ALPK2: variants seen among roughly 807,000 people sequenced by gnomAD.
ALPK2 encodes the protein alpha-protein kinase 2.
ALPK2 carries 127 observed loss-of-function variants against 163.1 expected under a neutral mutation model. The ratio of observed to expected loss-of-function variants is 0.78; its 90% CI spans 0.67 to 0.90. The LOEUF (loss-of-function observed/expected upper bound fraction) is 0.90. ALPK2 is among the 40% of genes least tolerant of loss of function. The pLI, the probability that ALPK2 is intolerant of heterozygous loss-of-function variation, is 0.00. For synonymous variants in ALPK2, 953 were observed against 959.1 expected, an observed-to-expected ratio of 0.99 and a Z score of 0.12; for missense variants, 2,360 against 2,589.6, an observed-to-expected ratio of 0.91 and a Z score of 1.92.
At chr18:58,603,332 T>C (rs1038152812) in intron 3 of ALPK2, among the ~76,000 whole-genome samples, 1 of 152,246 alleles carries the variant, frequency 6.6e-6, no homozygotes, top group Non-Finnish European at 1.5e-5. Flanking sequence ...GGGGACACTA[T>C]TCAACCCTGT....
chr18:58,576,639 A>G (rs2051923403), intron 4 of ALPK2, among the ~76,000 whole-genome samples: 1 of 152,202 alleles, frequency 6.6e-6, no homozygotes, highest in African/African-American at 2.4e-5. Flanking sequence ...AAATTTGGCT[A>G]CATTGTATAC....
intron 4 of ALPK2, among the ~76,000 whole-genome samples, chr18:58,561,461 C>CT (rs1395708364): frequency 6.6e-6 from 1 of 152,136 alleles, no homozygotes; most frequent in Non-Finnish European, 1.5e-5. Flanking sequence ...AGGAAATTGT[C>CT]TTAAAGATCC....
chr18:58,486,991 G>C lies in ALPK2; in HGVS notation c.6297-4952C>G, dbSNP rs147090186. Reference sequence around the variant, plus strand: ...GACATGTGCCACCCGCTGCCTTGAGGGTTGAATCTGGAGCTGTAGGCCATC... The same window carrying C: ...GACATGTGCCACCCGCTGCCTTGAGCGTTGAATCTGGAGCTGTAGGCCATC... On this transcript the variant is annotated intron_variant, in intron 12 of 12. Coordinates refer to ENST00000361673, the MANE Select transcript of ALPK2 (RefSeq NM_052947.4). 9.5e-3 allele frequency among the ~76,000 whole-genome samples: 1,452 copies of C among 152,314 alleles called. 8 individuals are homozygous for C. The highest frequency in any genetic ancestry group is 0.044 in the Middle Eastern group (13 of 294).
chr18:58,489,293 T>C (rs2051358994), intron 12 of ALPK2, among the ~76,000 whole-genome samples: 3 of 152,216 alleles, frequency 2.0e-5, no homozygotes, highest in Admixed American at 1.3e-4. Flanking sequence ...ATTTCTCCTG[T>C]GGCATGCTGG....
intron 1 of ALPK2, 31 bp from the exon 2 acceptor site, chr18:58,611,848 A>G (rs1281286942): frequency 1.5e-6 from 2 of 1,336,292 alleles, no homozygotes; most frequent in African/African-American, 1.5e-5. Flanking sequence ...CGACATCACC[A>G]TTTGTTCTGG....
At chr18:58,565,982 C>G (rs1311099322) in intron 4 of ALPK2, among the ~76,000 whole-genome samples, 1 of 152,068 alleles carries the variant, frequency 6.6e-6, no homozygotes, top group Non-Finnish European at 1.5e-5. Context: ...GGGATTTCAC[C>G]ATATTGGCCA....
chr18:58,529,383 T>G, intron 5 of ALPK2, 145 bp from the exon 6 acceptor site: 2 of 885,514 alleles, frequency 2.3e-6, no homozygotes, highest in East Asian at 2.8e-5. Context: ...AGGGGAGAGG[T>G]GGCTTGCCTA....
At chr18:58,515,343 G>A (rs1315937356) in intron 9 of ALPK2, among the ~76,000 whole-genome samples, 2 of 152,184 alleles carry the variant, frequency 1.3e-5, no homozygotes, top group Non-Finnish European at 2.9e-5. Flanking sequence ...AAAATTTCTC[G>A]AGCCGGCAGG....
At chr18:58,624,192 CA>C (rs749562129) in intron 1 of ALPK2, among the ~76,000 whole-genome samples, 18 of 152,188 alleles carry the variant, frequency 1.2e-4, no homozygotes, top group Non-Finnish European at 2.6e-4. Context: ...AAAAGTAGTT[CA>C]GGGGTGACCA....
chr18:58,501,144 ATTAC>A (rs976478390), intron 11 of ALPK2, among the ~76,000 whole-genome samples: 4 of 152,242 alleles, frequency 2.6e-5, no homozygotes, highest in Non-Finnish European at 4.4e-5. Context: ...AATAAACACC[ATTAC>A]TTAATGCCAC....
chr18:58,487,798 G>A (rs1356348810), intron 12 of ALPK2, among the ~76,000 whole-genome samples: 1 of 152,142 alleles, frequency 6.6e-6, no homozygotes, highest in African/African-American at 2.4e-5. Context: ...GAAACAGGAG[G>A]TTAGCTGGAG....
chr18:58,548,080 C>T (rs943765020), intron 4 of ALPK2, among the ~76,000 whole-genome samples: 3 of 152,128 alleles, frequency 2.0e-5, no homozygotes, highest in Non-Finnish European at 1.5e-5. Flanking sequence ...ATACTTGTCA[C>T]GATTACTACA....
rs117386659 is a variant in ALPK2, at chr18:58,553,556, G to A, written c.1963-15332C>T. 2.1e-3 allele frequency among the ~76,000 whole-genome samples: 321 copies of A among 152,168 alleles called. 5 individuals are homozygous for A. In the East Asian group the frequency reaches 0.034, roughly 16 times the overall value. ...GAATTGTAATCCCTATAATCCCCAC[G>A]CATCAAGGGAGAGACCAGGTGGAGG... On this transcript the variant is annotated intron_variant, in intron 4 of 12. Transcript: ENST00000361673.
At chr18:58,533,304 G>T (rs761316924) in intron 5 of ALPK2, among the ~76,000 whole-genome samples, 16 of 152,148 alleles carry the variant, frequency 1.1e-4, no homozygotes, top group Non-Finnish European at 2.9e-5. Flanking sequence ...ATTCCAAAAA[G>T]GTGGTTTTGC....
intron 4 of ALPK2, among the ~76,000 whole-genome samples, chr18:58,570,718 G>A (rs1035749818): frequency 6.6e-6 from 1 of 152,134 alleles, no homozygotes; most frequent in Non-Finnish European, 1.5e-5. Context: ...TCCTCATATT[G>A]TGGGCAAATC....
chr18:58,568,892 C>G (rs760089504), intron 4 of ALPK2, among the ~76,000 whole-genome samples: 1 of 151,948 alleles, frequency 6.6e-6, no homozygotes, highest in Non-Finnish European at 1.5e-5. Context: ...GGAACCAATC[C>G]CCTACAGATA....
At chr18:58,596,456 T>C (rs2052041681) in intron 3 of ALPK2, among the ~76,000 whole-genome samples, 1 of 152,048 alleles carries the variant, frequency 6.6e-6, no homozygotes. Context: ...AAGGAGCAGC[T>C]CCAACAGGAG....
intron 8 of ALPK2, among the ~76,000 whole-genome samples, chr18:58,517,934 C>T (rs1275408021): frequency 6.6e-6 from 1 of 151,876 alleles, no homozygotes; most frequent in Non-Finnish European, 1.5e-5. Context: ...AGTTTTCTAA[C>T]AGCTGTTTTT....
chr18:58,580,554 A>T lies in ALPK2; in HGVS notation c.228-6T>A, dbSNP rs985158285. The T allele has an allele frequency of 2.5e-6, 4 of 1,609,680 alleles. No individual in the cohort carries two copies. The highest frequency in any genetic ancestry group is 3.3e-5 in the Admixed American group (2 of 59,766). ...CAGCATCATTTTTGGTACAGCTAGG[A>T]TGAAGAGAATATATAGATAAGTTTG... On this transcript the variant is annotated splice_region_variant and splice_polypyrimidine_tract_variant and intron_variant, in intron 3 of 12. Transcript: ENST00000361673.
Sources: allele counts gnomAD v4.1 joint callset (sites outside exome capture counted in the v4.1 genomes callset), GRCh38; gene constraint gnomAD v4.1.1; transcripts MANE v1.5; gene names NCBI Gene and HGNC (gene_info 2026-07-23, HGNC 2026-07-21).